TRIM25: variants seen among roughly 807,000 people sequenced by gnomAD.
TRIM25 encodes the protein tripartite motif containing 25, also known as E3 ubiquitin/ISG15 ligase TRIM25.
Under a neutral mutation model 65.2 loss-of-function variants are expected in TRIM25, and 45 were observed. The ratio of observed to expected loss-of-function variants is 0.69; its 90% CI spans 0.54 to 0.89. TRIM25 has a LOEUF of 0.89. Among genes scored for constraint, TRIM25 ranks in the 40% least tolerant of loss-of-function variants. The pLI, the probability that TRIM25 is intolerant of heterozygous loss-of-function variation, is 0.00. For missense variants in TRIM25, 714 were observed against 803.7 expected (o/e 0.89, Z 1.35); for synonymous variants, 321 against 340.4 (o/e 0.94, Z 0.63).
chr17:56,907,571 T>C (rs1340539089), intron 2 of TRIM25, among the ~76,000 whole-genome samples: 1 of 152,210 alleles, frequency 6.6e-6, no homozygotes, highest in Non-Finnish European at 1.5e-5. Context: ...TAAAAGCAAT[T>C]TAAACGTATC....
In TRIM25 at chr17:56,890,002, GGT is replaced by G; in HGVS notation, c.*1696_*1697del. ...CGATCAGGTATGTACCTGCATGTCA[GGT>G]GTGTAGCTGTCAGGAATATCAAGTG... is the stretch of plus-strand genomic sequence containing the variant. On this transcript the variant is annotated 3_prime_UTR_variant, in exon 9 of 9. Coordinates refer to ENST00000316881, the MANE Select transcript of TRIM25 (RefSeq NM_005082.5). 2.7e-5 allele frequency: 11 copies of G among 402,860 alleles called. No homozygotes were observed. The highest frequency in any genetic ancestry group is 1.2e-4 in the South Asian group (1 of 8,078). The allele number at this position is 402,860 out of a possible 1,614,324, so 25.0% of individuals were successfully genotyped here.
chr17:56,891,451 G>C lies in TRIM25; in HGVS notation c.*249C>G, dbSNP rs1021334547. The C allele has an allele frequency of 3.5e-5, 18 of 519,750 alleles. No individual in the cohort carries two copies. The highest frequency in any genetic ancestry group is 4.5e-5 in the Non-Finnish European group (13 of 290,574). 32.2% of individuals were successfully genotyped at this position (519,750 alleles called of 1,614,324 possible). A position where few individuals can be genotyped will look rare whatever the true frequency, so the allele number is the denominator to read the frequency against. On this transcript the variant is annotated 3_prime_UTR_variant, in exon 9 of 9. Transcript: ENST00000316881. Reference sequence around the variant, plus strand: ...CTGCCCAGCAGCCTGGAGATTTCCAGAACAATGGGGAGTAGGTCACCCTGC... The same window carrying C: ...CTGCCCAGCAGCCTGGAGATTTCCACAACAATGGGGAGTAGGTCACCCTGC...
intron 8 of TRIM25, among the ~76,000 whole-genome samples, chr17:56,893,483 A>G (rs1449624772): frequency 1.3e-5 from 2 of 152,324 alleles, no homozygotes; most frequent in East Asian, 1.9e-4. Flanking sequence ...GCGGAGGGCT[A>G]CAAGAAGGCC....
intron 3 of TRIM25, among the ~76,000 whole-genome samples, chr17:56,902,838 G>T (rs1409090985): frequency 6.6e-6 from 1 of 152,184 alleles, no homozygotes; most frequent in Non-Finnish European, 1.5e-5. Context: ...CGTGTCGTGG[G>T]GGTGGATTCC....
intron 4 of TRIM25, 107 bp from the exon 5 acceptor site, chr17:56,899,287 T>C: frequency 9.0e-7 from 1 of 1,109,074 alleles, no homozygotes; most frequent in Non-Finnish European, 1.3e-6. Context: ...CAGACAGCCA[T>C]TTCCTCCGAC....
intron 1 of TRIM25, among the ~76,000 whole-genome samples, chr17:56,909,152 C>T (rs935579831): frequency 4.0e-5 from 6 of 151,804 alleles, no homozygotes; most frequent in South Asian, 2.1e-4. Context: ...AATGGGGCAG[C>T]GGGGAGATCT....
intron 1 of TRIM25, among the ~76,000 whole-genome samples, chr17:56,909,864 G>A (rs1909593627): frequency 1.3e-5 from 2 of 152,100 alleles, no homozygotes; most frequent in Non-Finnish European, 2.9e-5. Context: ...CTGCTCAGAT[G>A]AATACTGCAC....
At chr17:56,897,739 C>T (rs1044936756) in intron 5 of TRIM25, among the ~76,000 whole-genome samples, 4 of 152,164 alleles carry the variant, frequency 2.6e-5, no homozygotes, top group South Asian at 2.1e-4. Context: ...GCCTGCTGGC[C>T]GGCATCCCTA....
chr17:56,909,992 GAAC>G (rs1338815413), intron 1 of TRIM25, among the ~76,000 whole-genome samples: 1 of 152,052 alleles, frequency 6.6e-6, no homozygotes, highest in African/African-American at 2.4e-5. Context: ...TTAAAGCTAA[GAAC>G]AACACTATGA....
chr17:56,901,730 T>A, intron 3 of TRIM25, 152 bp from the exon 4 acceptor site: 4 of 963,728 alleles, frequency 4.2e-6, no homozygotes, highest in Non-Finnish European at 4.7e-6. Flanking sequence ...ACCAGGAGTT[T>A]AAATGACACT....
At position 56,913,414 on chromosome 17, in the gene TRIM25, C is replaced by T; in HGVS notation, c.575G>A (p.Ser192Asn). ...TACCTCCAGGTCGGCGCTGGCCTGG[C>T]TCAGGGACGCGGGAGAGCAGGTCTT... Reference protein sequence around the residue: ...EHKTCSPASLSQASADLEATL... With the variant: ...EHKTCSPASLNQASADLEATL... The change falls in exon 1 of 9, where the codon AGC (serine) becomes AAC (asparagine). Residue 192 changes from serine to asparagine, a missense_variant. Ser to Asn is a conservative substitution (Grantham distance 46). This residue lies in a region of TRIM25 where 291 missense variants were observed against 281.8 expected (regional missense o/e 1.03). Coordinates refer to ENST00000316881, the MANE Select transcript of TRIM25 (RefSeq NM_005082.5). This position sits in a 1 kb window ranked among gnomAD's most constrained non-coding sequence, Gnocchi z 6.1. 4 of 1,577,008 alleles carry T rather than the reference C, an allele frequency of 2.5e-6. No individual in the cohort carries two copies. The highest frequency in any genetic ancestry group is 3.5e-6 in the Non-Finnish European group (4 of 1,156,440).
In TRIM25 at chr17:56,890,224, A is replaced by T. The variant is rs545029051; in HGVS notation, c.*1476T>A. On this transcript the variant is annotated 3_prime_UTR_variant, in exon 9 of 9. Coordinates refer to ENST00000316881, the MANE Select transcript of TRIM25 (RefSeq NM_005082.5). ...GACTCATTTCACTATAAGAGGCTAA[A>T]TTCCTCATACTCACATCCTGACAAC... 31 of 292,262 alleles carry T rather than the reference A, an allele frequency of 1.1e-4. No homozygotes were observed. Among genetic ancestry groups the T allele is most frequent in the South Asian group, 9.8e-4 (27 of 27,432 alleles). 18.1% of individuals were successfully genotyped at this position (292,262 alleles called of 1,614,324 possible).
At chr17:56,912,856 G>A (rs1046018574) in intron 1 of TRIM25, 1 of 152,214 alleles carries the variant, frequency 6.6e-6, no homozygotes, top group Non-Finnish European at 1.5e-5. Flanking sequence ...TCAGATGGTG[G>A]GGCGCAGTGG....
Position 56,895,377 on chromosome 17 carries a change from G to A in TRIM25, c.1329C>T (p.Thr443=). Residue 443 remains threonine, a synonymous_variant, in exon 8 of 9, where the codon ACC becomes ACT. Transcript: ENST00000316881. The part of the protein sequence containing the change: ...STSLKAKVLE[T]FLAKSRPELL... ...GCTCAGGTCTGGACTTGGCCAGGAA[G>A]GTCTCCAGCACCTTGGCCTTGAGAG... is the stretch of plus-strand genomic sequence containing the variant. 10 of 1,614,138 alleles carry A rather than the reference G, an allele frequency of 6.2e-6. No individual in the cohort carries two copies. The highest frequency in any genetic ancestry group is 7.6e-6 in the Non-Finnish European group (9 of 1,180,018).
rs1941204690 is a variant in TRIM25 at position 56,888,377 on chromosome 17, G to C, written c.*3323C>G. 6.6e-6 allele frequency: 1 copy of C among 152,162 alleles called. No individual in the cohort carries two copies. Among genetic ancestry groups the C allele is most frequent in the Admixed American group, 6.5e-5 (1 of 15,280 alleles). 9.4% of individuals were successfully genotyped at this position (152,162 alleles called of 1,614,324 possible). A position where few individuals can be genotyped will look rare whatever the true frequency, so the allele number is the denominator to read the frequency against. On this transcript the variant is annotated 3_prime_UTR_variant, in exon 9 of 9. Transcript: ENST00000316881. ...TCCCTCCCAGGAAGCAGGGACAAAG[G>C]CCAGTTCAATTCTTTAGACAACCTC...
intron 2 of TRIM25, among the ~76,000 whole-genome samples, chr17:56,905,611 T>A (rs1158826465): frequency 6.6e-6 from 1 of 152,158 alleles, no homozygotes. Context: ...AAATTGATGA[T>A]ATGTTGAAAG....
At position 56,890,961 on chromosome 17, in the gene TRIM25, G is replaced by T. The variant is rs138601124; in HGVS notation, c.*739C>A. 2 of 453,024 alleles carry T rather than the reference G, an allele frequency of 4.4e-6. No individual in the cohort carries two copies. Among genetic ancestry groups the T allele is most frequent in the African/African-American group, 4.0e-5 (2 of 50,108 alleles). The allele number at this position is 453,024 out of a possible 1,614,324, so 28.1% of individuals were successfully genotyped here. A position where few individuals can be genotyped will look rare whatever the true frequency, so the allele number is the denominator to read the frequency against. On this transcript the variant is annotated 3_prime_UTR_variant, in exon 9 of 9. Coordinates refer to ENST00000316881, the MANE Select transcript of TRIM25 (RefSeq NM_005082.5). ...AGGATTTCCACCCAAACTGGATCAG[G>T]GTCACCATGACCCTGAATCACAAAT... is the stretch of plus-strand genomic sequence containing the variant.
chr17:56,901,379 G>T, intron 4 of TRIM25, 40 bp downstream of exon 4: 1 of 1,595,924 alleles, frequency 6.3e-7, no homozygotes, highest in Non-Finnish European at 8.6e-7. Flanking sequence ...TCGGGTTGCA[G>T]GGTTCCACAG....
intron 2 of TRIM25, among the ~76,000 whole-genome samples, chr17:56,907,207 T>C (rs1239380305): frequency 6.6e-6 from 1 of 152,228 alleles, no homozygotes; most frequent in Non-Finnish European, 1.5e-5. Flanking sequence ...TTAGTCTGGG[T>C]TACTCATGTG....
Sources: allele counts gnomAD v4.1 joint callset (sites outside exome capture counted in the v4.1 genomes callset), GRCh38; gene constraint gnomAD v4.1.1; regional missense constraint gnomAD v4.1.1; non-coding constraint Gnocchi (gnomAD v3.1); transcripts MANE v1.5; gene names NCBI Gene and HGNC (gene_info 2026-07-23, HGNC 2026-07-21).